LRRC4C: variants seen among roughly 807,000 people sequenced by gnomAD.
The protein encoded by LRRC4C is leucine rich repeat containing 4C, also known as leucine-rich repeat-containing protein 4C.
LRRC4C carries 5 observed loss-of-function variants against 33.6 expected under a neutral mutation model. The ratio of observed to expected loss-of-function variants is 0.15; its 90% confidence interval spans 0.08 to 0.31. The LOEUF is 0.31. Ranked by LOEUF, LRRC4C falls within the 10% of genes least tolerant of loss-of-function variation. The pLI is 1.00. For missense variants in LRRC4C, 560 were observed against 796.7 expected, an observed-to-expected ratio of 0.70 and a Z score of 3.58; for synonymous variants, 329 against 302.0, an observed-to-expected ratio of 1.09 and a Z score of -0.93.
At chr11:41,240,025 C>T (rs773257480) in intron 1 of LRRC4C, among the ~76,000 whole-genome samples, 19 of 152,232 alleles carry the variant, frequency 1.2e-4, no homozygotes, top group Non-Finnish European at 2.4e-4. Context: ...GAAAAATGAG[C>T]ACTCTTTTAA....
intron 1 of LRRC4C, among the ~76,000 whole-genome samples, chr11:41,065,577 T>A (rs1307874876): frequency 6.6e-6 from 1 of 152,210 alleles, no homozygotes; most frequent in Non-Finnish European, 1.5e-5. Context: ...AGGGACATAC[T>A]GCCTCCTCAA....
At chr11:41,105,557 C>A (rs992336885) in intron 1 of LRRC4C, among the ~76,000 whole-genome samples, 7 of 151,970 alleles carry the variant, frequency 4.6e-5, no homozygotes, top group African/African-American at 1.4e-4. Flanking sequence ...AAAATCTATA[C>A]AATAAGATGT....
At chr11:41,204,655 A>T (rs757369629) in intron 1 of LRRC4C, among the ~76,000 whole-genome samples, 19 of 152,128 alleles carry the variant, frequency 1.2e-4, no homozygotes, top group Non-Finnish European at 1.9e-4. Flanking sequence ...CTTTATTTAT[A>T]TTTCCTTTAA....
intron 2 of LRRC4C, among the ~76,000 whole-genome samples, chr11:40,829,385 G>A (rs1257549761): frequency 2.0e-5 from 3 of 152,008 alleles, no homozygotes; most frequent in Non-Finnish European, 4.4e-5. Flanking sequence ...GAATTGCAGA[G>A]CAGAAACATT....
chr11:40,947,264 A>C (rs1322768496), intron 1 of LRRC4C, among the ~76,000 whole-genome samples: 1 of 152,164 alleles, frequency 6.6e-6, no homozygotes, highest in Admixed American at 6.6e-5. Flanking sequence ...ACGATGCACA[A>C]ATTTGCAAAA....
At chr11:40,452,497 G>T (rs904045522) in intron 3 of LRRC4C, among the ~76,000 whole-genome samples, 2 of 152,178 alleles carry the variant, frequency 1.3e-5, no homozygotes, top group African/African-American at 4.8e-5. Flanking sequence ...TCTCACACCA[G>T]TTAGAATGGT....
intron 1 of LRRC4C, among the ~76,000 whole-genome samples, chr11:41,359,201 T>C (rs1952263015): frequency 6.6e-6 from 1 of 152,086 alleles, no homozygotes. Context: ...GAGGAAGGGA[T>C]GTATTGGCAG....
chr11:41,007,806 C>G (rs1409150134), intron 1 of LRRC4C, among the ~76,000 whole-genome samples: 1 of 152,106 alleles, frequency 6.6e-6, no homozygotes. Context: ...GTCATAATCT[C>G]TTCCTGAACT....
chr11:40,593,355 C>G (rs186358992), intron 3 of LRRC4C, among the ~76,000 whole-genome samples: 1 of 152,088 alleles, frequency 6.6e-6, no homozygotes, highest in Admixed American at 6.6e-5. Context: ...TTTTCTCTGT[C>G]CCTTACACAC....
At position 41,153,140 on chromosome 11, in the gene LRRC4C, G is replaced by A. The variant is rs942240595; in HGVS notation, c.-495-219417C>T. Reference sequence around the variant, plus strand: ...GCTCCAACAGCCTGGGATTCTCTTCGCCTCCAAGCTGCCTTATGAAGTCTC... The same window carrying A: ...GCTCCAACAGCCTGGGATTCTCTTCACCTCCAAGCTGCCTTATGAAGTCTC... On this transcript the variant is annotated intron_variant, in intron 1 of 6. Transcript: ENST00000528697. Among the ~76,000 whole-genome samples, 18 of 151,966 alleles carry A rather than the reference G, an allele frequency of 1.2e-4. 1 individual carries two copies. In the South Asian group the frequency reaches 2.7e-3, roughly 23 times the overall value.
At chr11:40,798,387 C>T (rs1279180159) in intron 2 of LRRC4C, among the ~76,000 whole-genome samples, 2 of 151,998 alleles carry the variant, frequency 1.3e-5, no homozygotes, top group African/African-American at 4.8e-5. Flanking sequence ...TGAATTTTGG[C>T]CATAGGGGAA....
intron 1 of LRRC4C, among the ~76,000 whole-genome samples, chr11:40,983,154 C>A (rs774797848): frequency 8.5e-5 from 13 of 152,076 alleles, no homozygotes; most frequent in Non-Finnish European, 1.8e-4. Flanking sequence ...TATGTCTTTA[C>A]AATAGAATGA....
intron 3 of LRRC4C, among the ~76,000 whole-genome samples, chr11:40,618,445 A>G (rs555529589): frequency 4.5e-4 from 12 of 26,412 alleles, no homozygotes; most frequent in African/African-American, 7.5e-4. Flanking sequence ...AGACTTCTAG[A>G]CTCCAGATCT....
intron 3 of LRRC4C, among the ~76,000 whole-genome samples, chr11:40,586,688 C>T (rs1469657621): frequency 6.7e-6 from 1 of 150,266 alleles, no homozygotes; most frequent in Non-Finnish European, 1.5e-5. Flanking sequence ...CAGCTTTCTA[C>T]ATATGGCCAG....
chr11:40,165,355 G>A (rs1859499916), intron 5 of LRRC4C, among the ~76,000 whole-genome samples: 1 of 152,080 alleles, frequency 6.6e-6, no homozygotes, highest in Admixed American at 6.6e-5. Context: ...GTTTGTGTGT[G>A]CATCTATATG....
chr11:40,535,933 G>A (rs145057199), intron 3 of LRRC4C, among the ~76,000 whole-genome samples: 1 of 152,268 alleles, frequency 6.6e-6, no homozygotes, highest in East Asian at 1.9e-4. Flanking sequence ...CTATGCATTT[G>A]ATTAAGCAAA....
intron 1 of LRRC4C, among the ~76,000 whole-genome samples, chr11:41,432,360 G>C (rs1005937566): frequency 6.6e-6 from 1 of 152,146 alleles, no homozygotes; most frequent in Non-Finnish European, 1.5e-5. Flanking sequence ...ATTACCACTT[G>C]AGTGTGAAGC....
chr11:41,169,921 G>T (rs560790284), intron 1 of LRRC4C, among the ~76,000 whole-genome samples: 3 of 152,178 alleles, frequency 2.0e-5, no homozygotes, highest in Admixed American at 6.5e-5. Context: ...CCTTTACATG[G>T]CTAAAATGTT....
chr11:40,481,807 A>G (rs1190108448), intron 3 of LRRC4C, among the ~76,000 whole-genome samples: 1 of 152,118 alleles, frequency 6.6e-6, no homozygotes, highest in African/African-American at 2.4e-5. Flanking sequence ...ATTTTCAAAG[A>G]ATTGAGATAT....
Sources: gnomAD v4.1 joint callset for allele counts (sites outside exome capture counted in the v4.1 genomes callset) on GRCh38, gnomAD v4.1.1 for gene constraint, MANE v1.5 for transcripts, NCBI Gene and HGNC (gene_info 2026-07-23, HGNC 2026-07-21) for gene names.